The following MRAP2 variants were observed in gnomAD, a reference collection of about 807,000 sequenced individuals.
The protein encoded by MRAP2 is melanocortin-2 receptor accessory protein 2.
A neutral mutation model predicts 17.4 loss-of-function variants in MRAP2; 20 were observed. The ratio of observed to expected loss-of-function variants is 1.15; its 90% CI spans 0.81 to 1.67. MRAP2 has a LOEUF of 1.67. Ranked by LOEUF, MRAP2 falls within the 40% of genes most tolerant of loss-of-function variation. The pLI is 0.00. For synonymous variants in MRAP2, 96 were observed against 88.4 expected (o/e 1.09, Z -0.48); for missense variants, 238 against 240.0 (o/e 0.99, Z 0.05).
rs751097730 is a variant in MRAP2 at position 84,089,067 on chromosome 6, C to T, written c.228-24C>T. The T allele has an allele frequency of 2.5e-6, 4 of 1,583,846 alleles. No homozygotes were observed. The East Asian group carries it at 9.0e-5, about 35-fold the overall frequency. On this transcript the variant is annotated intron_variant, in intron 3 of 3. Transcript: ENST00000257776. Reference sequence around the variant, plus strand: ...GTGAATGGGCTGGAGTGTAAGCAGTCTTTTATTTTCTTTTTTTAAATAGCA... The same window carrying T: ...GTGAATGGGCTGGAGTGTAAGCAGTTTTTTATTTTCTTTTTTTAAATAGCA...
At chr6:84,120,025 A>C in the MRAP2 span, among the ~76,000 whole-genome samples, 1 of 152,204 alleles carries the variant, frequency 6.6e-6, no homozygotes, top group Admixed American at 6.5e-5. Context: ...TGTAATGTGC[A>C]AGCTGGAGAA....
At chr6:84,115,027 G>C in the MRAP2 span, among the ~76,000 whole-genome samples, 1 of 152,318 alleles carries the variant, frequency 6.6e-6, no homozygotes, top group East Asian at 1.9e-4. Context: ...GCTGGGAGGT[G>C]TCTCCCAGTC....
Position 84,066,372 on chromosome 6 carries a change from A to T in MRAP2, c.227+3380A>T, listed in dbSNP as rs76700944. 1.1e-3 allele frequency among the ~76,000 whole-genome samples: 172 copies of T among 152,372 alleles called. 1 individual carries two copies. The highest frequency in any genetic ancestry group is 3.8e-3 in the African/African-American group (160 of 41,590). ...ATATGGCATTTGGTTGCAGTATATC[A>T]TAATAGAAAACTGAAAGAATCAGAA... On this transcript the variant is annotated intron_variant, in intron 3 of 3. Coordinates refer to ENST00000257776, the MANE Select transcript of MRAP2 (RefSeq NM_138409.4).
At chr6:84,087,706 T>G (rs1032159598) in intron 3 of MRAP2, among the ~76,000 whole-genome samples, 1 of 152,236 alleles carries the variant, frequency 6.6e-6, no homozygotes, top group African/African-American at 2.4e-5. Flanking sequence ...CCTGACATAG[T>G]AGAATATTGG....
intron 3 of MRAP2, among the ~76,000 whole-genome samples, chr6:84,066,509 A>T (rs914663649): frequency 4.6e-5 from 7 of 152,202 alleles, no homozygotes; most frequent in Non-Finnish European, 1.5e-5. Context: ...TTTTCCATAT[A>T]GCCAATGTTA....
chr6:84,040,694 C>G (rs772201919), intron 1 of MRAP2, among the ~76,000 whole-genome samples: 1 of 152,174 alleles, frequency 6.6e-6, no homozygotes, highest in Non-Finnish European at 1.5e-5. Flanking sequence ...GCAAAGGTGA[C>G]TCTTGCTATG....
chr6:84,094,939 G>A (rs1007426550), downstream of MRAP2, among the ~76,000 whole-genome samples: 6 of 152,054 alleles, frequency 3.9e-5, no homozygotes, highest in African/African-American at 1.2e-4. Flanking sequence ...CTACTAACAG[G>A]CTACTCAAGG....
chr6:84,125,261 G>A, the MRAP2 span: 1 of 1,613,194 alleles, frequency 6.2e-7, no homozygotes, highest in Non-Finnish European at 8.5e-7. Context: ...ACTACTTGGT[G>A]TGTTTGCTGT....
chr6:84,043,311 G>A (rs945838571), intron 1 of MRAP2, among the ~76,000 whole-genome samples: 1 of 152,188 alleles, frequency 6.6e-6, no homozygotes, highest in African/African-American at 2.4e-5. Context: ...GGAGTCTGAT[G>A]TATACTTTCT....
At chr6:84,052,944 G>GT (rs1160044981) in intron 1 of MRAP2, 1 of 225,220 alleles carries the variant, frequency 4.4e-6, no homozygotes, top group East Asian at 1.8e-4. Flanking sequence ...AGGGAATAGT[G>GT]TAAGGGGGAG....
chr6:84,087,880 C>T (rs1229138877), intron 3 of MRAP2, among the ~76,000 whole-genome samples: 8 of 151,582 alleles, frequency 5.3e-5, no homozygotes, highest in Admixed American at 5.3e-4. Context: ...TATTAAAATT[C>T]CTTCAGCTAG....
rs766383974 is a variant in MRAP2 at position 84,084,859 on chromosome 6, CTTTATTTTATTTTAT to C, written c.228-4189_228-4175del. On this transcript the variant is annotated intron_variant, in intron 3 of 3. Transcript: ENST00000257776. ...GGTATTTGAGAATCTCATTTCATTTCTTTATTTTATTTTATTTTATTTTATTTTATTTTATTTTAT... is the reference window on the plus strand; with the variant it reads ...GGTATTTGAGAATCTCATTTCATTTCTTTATTTTATTTTATTTTATTTTAT... Among the ~76,000 whole-genome samples the C allele has an allele frequency of 1.7e-3, 233 of 137,160 alleles. 1 individual carries two copies. Among genetic ancestry groups the C allele is most frequent in the East Asian group, 5.0e-3 (23 of 4,642 alleles). 90.0% of individuals were successfully genotyped at this position (137,160 alleles called of 152,430 possible).
At chr6:84,082,723 C>T (rs1430377576) in intron 3 of MRAP2, among the ~76,000 whole-genome samples, 5 of 152,128 alleles carry the variant, frequency 3.3e-5, no homozygotes, top group African/African-American at 9.7e-5. Flanking sequence ...AGATCACAGA[C>T]GTGAGCCACT....
chr6:84,110,203 C>T, the MRAP2 span, among the ~76,000 whole-genome samples: 1 of 152,178 alleles, frequency 6.6e-6, no homozygotes, highest in African/African-American at 2.4e-5. Flanking sequence ...TACACTCCCA[C>T]CAACAATGTA....
chr6:84,035,100 A>G (rs1387132121), intron 1 of MRAP2, among the ~76,000 whole-genome samples: 3 of 152,218 alleles, frequency 2.0e-5, no homozygotes, highest in Non-Finnish European at 4.4e-5. Flanking sequence ...AGGTGATAGG[A>G]AAAGGAAGAG....
chr6:84,061,791 C>T (rs1397999497), intron 2 of MRAP2: 2 of 985,300 alleles, frequency 2.0e-6, no homozygotes, highest in African/African-American at 3.5e-5. Context: ...ATTCTAATGA[C>T]AGTAGCCAGC....
At chr6:84,091,239 CTTTT>C (rs34508361), downstream of MRAP2, among the ~76,000 whole-genome samples, 1 of 108,058 alleles carries the variant, frequency 9.3e-6, no homozygotes, top group Non-Finnish European at 1.8e-5. Context: ...AGTTTGTTAA[CTTTT>C]TTTTTTTTTT....
Position 84,045,379 on chromosome 6 carries a change from C to A in MRAP2, c.-7-9933C>A, listed in dbSNP as rs140473300. 4 of 985,306 alleles carry A rather than the reference C, an allele frequency of 4.1e-6. No homozygotes were observed. In the African/African-American group the frequency reaches 7.0e-5, roughly 17 times the overall value. 61.0% of individuals were successfully genotyped at this position (985,306 alleles called of 1,614,324 possible). A position where few individuals can be genotyped will look rare whatever the true frequency, so the allele number is the denominator to read the frequency against. On this transcript the variant is annotated intron_variant, in intron 1 of 3. Coordinates refer to ENST00000257776, the MANE Select transcript of MRAP2 (RefSeq NM_138409.4). ...GGCCCTGGAGTAGGCAAGCCTGCCCCCAAGACCTCTGTGCTCTGGAGCCAC... is the reference window on the plus strand; with the variant it reads ...GGCCCTGGAGTAGGCAAGCCTGCCCACAAGACCTCTGTGCTCTGGAGCCAC...
At chr6:84,126,137 T>C in the MRAP2 span, among the ~76,000 whole-genome samples, 1 of 152,136 alleles carries the variant, frequency 6.6e-6, no homozygotes, top group African/African-American at 2.4e-5. Flanking sequence ...CCATCAATAA[T>C]TAAGAACATG....
Sources: allele counts gnomAD v4.1 joint callset (sites outside exome capture counted in the v4.1 genomes callset), GRCh38; gene constraint gnomAD v4.1.1; transcripts MANE v1.5; gene names NCBI Gene and HGNC (gene_info 2026-07-23, HGNC 2026-07-21).